The following CSMD1 variants were observed in gnomAD, a reference collection of about 807,000 sequenced individuals.
The protein encoded by CSMD1 is CUB and sushi domain-containing protein 1.
CSMD1 carries 213 observed loss-of-function variants against 417.5 expected under a neutral mutation model. The observed-to-expected ratio is 0.51, with a 90% CI of 0.46 to 0.57. The LOEUF is 0.57. Ranked by LOEUF, CSMD1 falls within the 20% of genes least tolerant of loss-of-function variation. CSMD1 has a pLI of 0.00. For synonymous variants in CSMD1, 2,862 were observed against 1,736.8 expected (o/e 1.65, Z -16.11); for missense variants, 6,923 against 4,529.7 (o/e 1.53, Z -15.17).
intron 7 of CSMD1, among the ~76,000 whole-genome samples, chr8:3,673,382 A>T (rs976710163): frequency 6.6e-6 from 1 of 152,224 alleles, no homozygotes; most frequent in African/African-American, 2.4e-5. Flanking sequence ...GAAAATTAGC[A>T]AGAATATGGA....
At chr8:2,987,071 T>G (rs574866174) in intron 54 of CSMD1, among the ~76,000 whole-genome samples, 2 of 152,240 alleles carry the variant, frequency 1.3e-5, no homozygotes, top group South Asian at 4.1e-4. Flanking sequence ...TACAACTAAT[T>G]CTTAATGGTC....
chr8:3,334,664 G>T (rs1004220445), intron 23 of CSMD1, among the ~76,000 whole-genome samples: 1 of 152,178 alleles, frequency 6.6e-6, no homozygotes, highest in African/African-American at 2.4e-5. Context: ...TTTACTTATT[G>T]TGGCAAAAAC....
intron 41 of CSMD1, among the ~76,000 whole-genome samples, chr8:3,141,828 G>T (rs572949008): frequency 3.4e-4 from 51 of 148,272 alleles, no homozygotes; most frequent in African/African-American, 1.0e-3. Context: ...GATGGAGTCT[G>T]GCTCTGTCGC....
intron 55 of CSMD1, among the ~76,000 whole-genome samples, chr8:2,978,231 G>C (rs924023407): frequency 2.6e-5 from 4 of 152,190 alleles, no homozygotes; most frequent in Non-Finnish European, 5.9e-5. Flanking sequence ...CGCCCACCTG[G>C]GCTGAGCGAG....
chr8:4,230,941 C>T (rs1273196504), intron 3 of CSMD1, among the ~76,000 whole-genome samples: 2 of 152,020 alleles, frequency 1.3e-5, no homozygotes, highest in Non-Finnish European at 2.9e-5. Context: ...TTTTTTTCTA[C>T]TTGGAAAACA....
chr8:4,322,441 T>G (rs144453868), intron 3 of CSMD1, among the ~76,000 whole-genome samples: 1 of 152,154 alleles, frequency 6.6e-6, no homozygotes, highest in African/African-American at 2.4e-5. Flanking sequence ...TATTCTATCA[T>G]AAGAGTAGGA....
chr8:3,571,274 T>G (rs961136835), intron 10 of CSMD1, among the ~76,000 whole-genome samples: 3 of 152,230 alleles, frequency 2.0e-5, no homozygotes, highest in African/African-American at 7.2e-5. Flanking sequence ...ATTCTAAATG[T>G]GCCTCTGCCC....
intron 54 of CSMD1, among the ~76,000 whole-genome samples, chr8:2,986,747 G>A (rs1418519845): frequency 6.6e-6 from 1 of 151,960 alleles, no homozygotes; most frequent in Non-Finnish European, 1.5e-5. Flanking sequence ...CTCGTGATTC[G>A]CCTGCCTCAG....
intron 1 of CSMD1, among the ~76,000 whole-genome samples, chr8:4,924,745 A>C (rs867578808): frequency 2.0e-5 from 3 of 149,646 alleles, no homozygotes; most frequent in African/African-American, 7.4e-5. Context: ...AAAAAAAAAA[A>C]CCTACAAAAA....
At chr8:4,718,294 T>C (rs1234751679) in intron 1 of CSMD1, among the ~76,000 whole-genome samples, 1 of 152,166 alleles carries the variant, frequency 6.6e-6, no homozygotes, top group East Asian at 1.9e-4. Flanking sequence ...TCTATCAAAA[T>C]TTTAAAAAAC....
At chr8:4,816,534 C>T (rs115506653) in intron 1 of CSMD1, among the ~76,000 whole-genome samples, 1,909 of 152,122 alleles carry the variant, frequency 0.013, 31 homozygotes, top group African/African-American at 0.043. Context: ...AGCCAAATCA[C>T]GGTTTCTTTC....
intron 69 of CSMD1, 48 bp from the exon 70 acceptor site, chr8:2,938,792 G>C: frequency 6.6e-7 from 1 of 1,524,462 alleles, no homozygotes; most frequent in Admixed American, 1.9e-5. Context: ...TTCATTTGCA[G>C]ATTTAGCAGC....
intron 5 of CSMD1, among the ~76,000 whole-genome samples, chr8:3,812,716 G>A (rs577265967): frequency 1.3e-5 from 2 of 152,198 alleles, no homozygotes; most frequent in South Asian, 2.1e-4. Context: ...TGTTTCCTCA[G>A]TAGACTCCAC....
chr8:4,718,223 T>G (rs1012958815), intron 1 of CSMD1, among the ~76,000 whole-genome samples: 1 of 152,212 alleles, frequency 6.6e-6, no homozygotes, highest in Admixed American at 6.5e-5. Context: ...GTGATTCTCC[T>G]GTCTCAGCCT....
intron 3 of CSMD1, among the ~76,000 whole-genome samples, chr8:4,311,899 C>T (rs1460236249): frequency 1.3e-5 from 2 of 151,830 alleles, no homozygotes; most frequent in South Asian, 2.1e-4. Context: ...ATACATGCAA[C>T]GAACCCCCAT....
chr8:4,240,736 C>CA (rs1802349539), intron 3 of CSMD1, among the ~76,000 whole-genome samples: 1 of 152,066 alleles, frequency 6.6e-6, no homozygotes, highest in African/African-American at 2.4e-5. Context: ...TGTTGCTCTT[C>CA]CTTTTTTCTG....
intron 7 of CSMD1, among the ~76,000 whole-genome samples, chr8:3,689,451 G>A (rs562669742): frequency 1.3e-5 from 2 of 152,300 alleles, no homozygotes; most frequent in Admixed American, 6.5e-5. Flanking sequence ...AGTAATTATG[G>A]ATAGACGTAG....
chr8:3,770,138 A>C (rs1025892188), intron 5 of CSMD1, among the ~76,000 whole-genome samples: 1 of 152,234 alleles, frequency 6.6e-6, no homozygotes, highest in Non-Finnish European at 1.5e-5. Context: ...AGGAGACTAA[A>C]GGCTACCTGC....
chr8:3,287,585 A>C (rs1435731282), intron 25 of CSMD1, among the ~76,000 whole-genome samples: 1 of 152,144 alleles, frequency 6.6e-6, no homozygotes, highest in Non-Finnish European at 1.5e-5. Flanking sequence ...GAGTTCACTC[A>C]TGATTTGGCT....
Sources: gnomAD v4.1 joint callset for allele counts (sites outside exome capture counted in the v4.1 genomes callset) on GRCh38, gnomAD v4.1.1 for gene constraint, MANE v1.5 for transcripts, NCBI Gene and HGNC (gene_info 2026-07-23, HGNC 2026-07-21) for gene names.